Variants in NTN1 observed in about 807,000 individuals in gnomAD.
NTN1 encodes netrin 1.
A neutral mutation model predicts 54.2 loss-of-function variants in NTN1; 11 were observed. The observed-to-expected ratio is 0.20, with a 90% CI of 0.13 to 0.34. The LOEUF (loss-of-function observed/expected upper bound fraction) is 0.34. Ranked by LOEUF, NTN1 falls within the 10% of genes least tolerant of loss-of-function variation. NTN1 has a pLI of 1.00. For synonymous variants in NTN1, 371 were observed against 382.0 expected (o/e 0.97, Z 0.33); for missense variants, 740 against 893.1 (o/e 0.83, Z 2.18).
chr17:9,226,453 CT>C (rs1567744969), intron 6 of NTN1, among the ~76,000 whole-genome samples: 18 of 87,542 alleles, frequency 2.1e-4, no homozygotes, highest in South Asian at 9.7e-4. Context: ...CGTGGGGAGG[CT>C]GTCTCGTGGG....
chr17:9,183,484 CA>C (rs1347905386), intron 5 of NTN1: 1 of 379,986 alleles, frequency 2.6e-6, no homozygotes, highest in African/African-American at 2.1e-5. Context: ...CAGACCGCAG[CA>C]TGCGGCCAAG....
chr17:9,023,720 G>T (rs1426278488), intron 2 of NTN1, among the ~76,000 whole-genome samples: 1 of 152,246 alleles, frequency 6.6e-6, no homozygotes, highest in East Asian at 1.9e-4. Flanking sequence ...CCCCTCGTTG[G>T]GTTGGACGCT....
intron 5 of NTN1, among the ~76,000 whole-genome samples, chr17:9,184,695 T>C (rs1319721740): frequency 1.3e-5 from 2 of 152,228 alleles, no homozygotes; most frequent in African/African-American, 2.4e-5. Flanking sequence ...CTCTAGTCCT[T>C]GTAGCTTGAC....
chr17:9,099,141 C>T (rs550328680), intron 2 of NTN1, among the ~76,000 whole-genome samples: 8 of 152,342 alleles, frequency 5.3e-5, no homozygotes, highest in South Asian at 2.1e-4. Flanking sequence ...CAGTGGCGCA[C>T]GCTTGTGATC....
intron 2 of NTN1, among the ~76,000 whole-genome samples, chr17:9,132,617 G>A (rs1468308552): frequency 1.3e-5 from 2 of 152,170 alleles, no homozygotes; most frequent in African/African-American, 4.8e-5. Context: ...GCTCACGCCT[G>A]TAACCCCACC....
At chr17:9,058,637 C>CAAAAAA (rs3053457) in intron 2 of NTN1, among the ~76,000 whole-genome samples, 171 of 58,898 alleles carry the variant, frequency 2.9e-3, no homozygotes, top group East Asian at 5.5e-3. Context: ...GGTAGGCACT[C>CAAAAAA]AAAAAAAAAA....
chr17:9,150,788 G>GA (rs1300617992), intron 2 of NTN1, among the ~76,000 whole-genome samples: 39 of 146,908 alleles, frequency 2.7e-4, no homozygotes, highest in South Asian at 1.1e-3. Context: ...TGTTTACAGA[G>GA]AAAAAAAAAA....
intron 2 of NTN1, among the ~76,000 whole-genome samples, chr17:9,059,666 G>T (rs1260469642): frequency 6.6e-6 from 1 of 152,170 alleles, no homozygotes; most frequent in Non-Finnish European, 1.5e-5. Flanking sequence ...GGGAAATGGG[G>T]AGTGACTGCC....
chr17:9,160,157 G>A (rs2092353250), intron 2 of NTN1, among the ~76,000 whole-genome samples: 1 of 152,160 alleles, frequency 6.6e-6, no homozygotes, highest in Non-Finnish European at 1.5e-5. Flanking sequence ...TGTGGCTCAG[G>A]CTGGAGTACA....
At chr17:9,121,553 C>A (rs148447010) in intron 2 of NTN1, among the ~76,000 whole-genome samples, 60 of 152,260 alleles carry the variant, frequency 3.9e-4, no homozygotes, top group Middle Eastern at 3.4e-3. Context: ...TGATCACTGG[C>A]GCTCACTCAC....
At chr17:9,067,096 G>A (rs914425753) in intron 2 of NTN1, among the ~76,000 whole-genome samples, 11 of 151,252 alleles carry the variant, frequency 7.3e-5, no homozygotes, top group African/African-American at 2.2e-4. Flanking sequence ...GCAAGACCCC[G>A]TCTCTGTAAA....
intron 2 of NTN1, among the ~76,000 whole-genome samples, chr17:9,141,153 A>T (rs2092296453): frequency 6.6e-6 from 1 of 152,022 alleles, no homozygotes; most frequent in African/African-American, 2.4e-5. Context: ...CTCAAAGAAG[A>T]TGTGGGGACT....
chr17:9,047,347 C>T (rs1213569985), intron 2 of NTN1, among the ~76,000 whole-genome samples: 2 of 152,230 alleles, frequency 1.3e-5, no homozygotes, highest in African/African-American at 4.8e-5. Context: ...TCAAACCCTG[C>T]TGCTGCTATA....
chr17:9,116,119 A>G (rs973879535), intron 2 of NTN1, among the ~76,000 whole-genome samples: 1 of 152,226 alleles, frequency 6.6e-6, no homozygotes, highest in Non-Finnish European at 1.5e-5. Context: ...GGTCCTAGCC[A>G]GGGCTCTGCT....
intron 2 of NTN1, among the ~76,000 whole-genome samples, chr17:9,054,348 G>A (rs763699602): frequency 2.5e-4 from 38 of 152,216 alleles, no homozygotes; most frequent in Non-Finnish European, 5.0e-4. Context: ...ACGAGAGCCC[G>A]CCTTGGGAGA....
chr17:9,190,789 T>A (rs1904432198), intron 5 of NTN1, among the ~76,000 whole-genome samples: 1 of 151,854 alleles, frequency 6.6e-6, no homozygotes, highest in African/African-American at 2.4e-5. Flanking sequence ...GAAGCGGAGG[T>A]TGCAGTGAGC....
At chr17:9,128,363 G>A (rs2092253994) in intron 2 of NTN1, among the ~76,000 whole-genome samples, 1 of 151,272 alleles carries the variant, frequency 6.6e-6, no homozygotes, top group Admixed American at 6.6e-5. Context: ...CTCTTCCTGT[G>A]TTCCACCTGT....
chr17:9,109,927 C>T (rs1036990032), intron 2 of NTN1, among the ~76,000 whole-genome samples: 4 of 152,198 alleles, frequency 2.6e-5, no homozygotes, highest in Non-Finnish European at 2.9e-5. Flanking sequence ...CTGTGACATG[C>T]ATATTCATAG....
intron 5 of NTN1, among the ~76,000 whole-genome samples, chr17:9,205,853 A>C (rs531091757): frequency 1.4e-4 from 22 of 152,376 alleles, no homozygotes; most frequent in Admixed American, 2.0e-4. Flanking sequence ...TGGCCGTCCT[A>C]ATACCACCCG....
Sources: gnomAD v4.1 joint callset for allele counts (sites outside exome capture counted in the v4.1 genomes callset) on GRCh38, gnomAD v4.1.1 for gene constraint, MANE v1.5 for transcripts, NCBI Gene and HGNC (gene_info 2026-07-23, HGNC 2026-07-21) for gene names.